Variants in BBS9 observed in about 807,000 individuals in gnomAD.
BBS9 encodes protein PTHB1.
A neutral mutation model predicts 117.7 loss-of-function variants in BBS9; 89 were observed. That is an observed-to-expected ratio of 0.76 (90% CI 0.64 to 0.90). BBS9 has a LOEUF of 0.90. Among genes scored for constraint, BBS9 ranks in the 40% least tolerant of loss-of-function variants. The probability of loss-of-function intolerance (pLI) is 0.00; values close to 1 mark genes in which losing one functional copy is unlikely to be tolerated. For synonymous variants in BBS9, 379 were observed against 370.9 expected, an observed-to-expected ratio of 1.02 and a Z score of -0.25; for missense variants, 982 against 1,042.2, an observed-to-expected ratio of 0.94 and a Z score of 0.80.
chr7:33,508,860 T>C (rs1245434479), intron 20 of BBS9, among the ~76,000 whole-genome samples: 1 of 152,116 alleles, frequency 6.6e-6, no homozygotes, highest in Non-Finnish European at 1.5e-5. Context: ...CCAGAAGAGA[T>C]TGTGGTATTT....
rs201606150 is a variant in BBS9, at chr7:33,450,870, TTTTTTTG to T, written c.2116-54586_2116-54580del. On this transcript the variant is annotated intron_variant, in intron 19 of 22. Coordinates refer to ENST00000242067, the MANE Select transcript of BBS9 (RefSeq NM_198428.3). ...TTTCCTTTGCTGTTCAGAAGTTTTT[TTTTTTTG>T]TTTTTTTGTTTTTTTGTTTTTTTGT... Among the ~76,000 whole-genome samples, 2,519 of 141,202 alleles carry T rather than the reference TTTTTTTG, an allele frequency of 0.018. 167 individuals are homozygous for T. The East Asian group carries it at 0.27, about 15-fold the overall frequency. The allele number at this position is 141,202 out of a possible 152,430, so 92.6% of individuals were successfully genotyped here.
intron 21 of BBS9, among the ~76,000 whole-genome samples, chr7:33,589,653 G>C (rs1381280951): frequency 6.6e-6 from 1 of 152,114 alleles, no homozygotes; most frequent in African/African-American, 2.4e-5. Flanking sequence ...GTGGAGTTGA[G>C]ATGGGGAAGG....
chr7:33,603,318 T>A (rs1349846223), intron 21 of BBS9, among the ~76,000 whole-genome samples: 1 of 152,102 alleles, frequency 6.6e-6, no homozygotes, highest in Admixed American at 6.6e-5. Context: ...GTCATTAGTC[T>A]TCCAGGTCTC....
At chr7:33,611,156 A>G (rs886956824) in intron 21 of BBS9, among the ~76,000 whole-genome samples, 1 of 152,042 alleles carries the variant, frequency 6.6e-6, no homozygotes, top group Non-Finnish European at 1.5e-5. Context: ...TTAACAGGCT[A>G]CAGTAATCAT....
At chr7:33,183,105 A>G (rs1798313782) in intron 5 of BBS9, among the ~76,000 whole-genome samples, 1 of 152,206 alleles carries the variant, frequency 6.6e-6, no homozygotes, top group South Asian at 2.1e-4. Flanking sequence ...CTCTCGCATA[A>G]TATGAAGTAA....
At chr7:33,633,316 A>G (rs1425526084) in intron 21 of BBS9, among the ~76,000 whole-genome samples, 3 of 151,882 alleles carry the variant, frequency 2.0e-5, no homozygotes. Flanking sequence ...CTTAAAAAAA[A>G]AAAACTTTAA....
intron 21 of BBS9, among the ~76,000 whole-genome samples, chr7:33,548,064 A>G (rs557215605): frequency 6.6e-6 from 1 of 152,192 alleles, no homozygotes; most frequent in Non-Finnish European, 1.5e-5. Flanking sequence ...GCTGGCTGGT[A>G]ACTAATTACA....
chr7:33,230,597 C>T (rs1379354689), intron 5 of BBS9, among the ~76,000 whole-genome samples: 2 of 152,156 alleles, frequency 1.3e-5, no homozygotes, highest in Non-Finnish European at 1.5e-5. Flanking sequence ...TCTGAGTCTG[C>T]AATGTCTAGT....
At chr7:33,212,739 C>T (rs549850516) in intron 5 of BBS9, among the ~76,000 whole-genome samples, 3 of 152,292 alleles carry the variant, frequency 2.0e-5, no homozygotes, top group Admixed American at 6.5e-5. Context: ...AGCACAATAT[C>T]GCTGTGGTTT....
chr7:33,438,753 T>TATAAA (rs1835684322), intron 19 of BBS9, among the ~76,000 whole-genome samples: 1 of 152,216 alleles, frequency 6.6e-6, no homozygotes. Flanking sequence ...GAACTTGGGC[T>TATAAA]ATATACATGC....
chr7:33,389,687 TAA>T (rs5883400), intron 19 of BBS9, among the ~76,000 whole-genome samples: 3,557 of 91,470 alleles, frequency 0.039, 40 homozygotes, highest in East Asian at 0.099. Flanking sequence ...AGACTCCATC[TAA>T]AAAAAAAAAA....
At chr7:33,495,650 G>C (rs950180095) in intron 19 of BBS9, among the ~76,000 whole-genome samples, 2 of 152,000 alleles carry the variant, frequency 1.3e-5, no homozygotes, top group East Asian at 3.8e-4. Flanking sequence ...TTTAAATTGG[G>C]GTTTCACTTG....
At chr7:33,327,820 G>T (rs1813158510) in intron 9 of BBS9, among the ~76,000 whole-genome samples, 2 of 152,260 alleles carry the variant, frequency 1.3e-5, no homozygotes, top group South Asian at 4.2e-4. Flanking sequence ...GAATTTATGT[G>T]GTTGCAAGAA....
At chr7:33,619,477 C>A (rs1328129308) in intron 21 of BBS9, among the ~76,000 whole-genome samples, 1 of 152,042 alleles carries the variant, frequency 6.6e-6, no homozygotes, top group Non-Finnish European at 1.5e-5. Flanking sequence ...AGAAAAACAG[C>A]TGACCTGAAC....
At chr7:33,365,259 T>C (rs1240770266) in intron 16 of BBS9, among the ~76,000 whole-genome samples, 5 of 152,192 alleles carry the variant, frequency 3.3e-5, no homozygotes, top group Non-Finnish European at 7.3e-5. Flanking sequence ...TGCCATACTT[T>C]GATGCCGGCA....
chr7:33,409,313 C>T (rs917639488), intron 19 of BBS9, among the ~76,000 whole-genome samples: 2 of 152,088 alleles, frequency 1.3e-5, no homozygotes, highest in Non-Finnish European at 2.9e-5. Flanking sequence ...GTCTTTGATC[C>T]ATCTTGAGTT....
At chr7:33,345,534 C>T (rs993324938) in intron 12 of BBS9, among the ~76,000 whole-genome samples, 3 of 151,970 alleles carry the variant, frequency 2.0e-5, no homozygotes, top group Non-Finnish European at 4.4e-5. Flanking sequence ...GATCTTTGGT[C>T]GAACTTGAAG....
intron 5 of BBS9, 36 bp downstream of exon 5, chr7:33,177,627 G>C: frequency 7.3e-7 from 1 of 1,373,628 alleles, no homozygotes; most frequent in Admixed American, 1.7e-5. Flanking sequence ...GCTATTTCAA[G>C]TGACAGATTT....
chr7:33,543,050 T>C (rs2129074232), intron 21 of BBS9, among the ~76,000 whole-genome samples: 1 of 152,286 alleles, frequency 6.6e-6, no homozygotes, highest in South Asian at 2.1e-4. Context: ...GTTTCCATAG[T>C]GGTTGTACTA....
Sources: allele counts gnomAD v4.1 joint callset (sites outside exome capture counted in the v4.1 genomes callset), GRCh38; gene constraint gnomAD v4.1.1; transcripts MANE v1.5; gene names NCBI Gene and HGNC (gene_info 2026-07-23, HGNC 2026-07-21).